The following LDB3 variants were observed in gnomAD, a reference collection of about 807,000 sequenced individuals.
LDB3 encodes the protein LIM domain binding 3, also known as LIM domain-binding protein 3.
LDB3 carries 49 observed loss-of-function variants against 69.0 expected under a neutral mutation model. The observed-to-expected ratio is 0.71, with a 90% CI of 0.56 to 0.90. The LOEUF is 0.90. LDB3 is among the 40% of genes least tolerant of loss of function. The pLI is 0.00. For missense variants in LDB3, 928 were observed against 974.1 expected (o/e 0.95, Z 0.63); for synonymous variants, 387 against 396.2 (o/e 0.98, Z 0.28).
intron 2 of LDB3, among the ~76,000 whole-genome samples, chr10:86,672,208 A>G (rs998980953): frequency 6.6e-6 from 1 of 152,194 alleles, no homozygotes; most frequent in African/African-American, 2.4e-5. Context: ...CCTGTTGTCT[A>G]CTGGGACTGG....
At chr10:86,675,336 T>C (rs1410026166) in intron 2 of LDB3, among the ~76,000 whole-genome samples, 1 of 152,258 alleles carries the variant, frequency 6.6e-6, no homozygotes, top group Non-Finnish European at 1.5e-5. Context: ...GACAGTCAGA[T>C]AGCCCTGCAG....
At chr10:86,674,375 C>T (rs1301953970) in intron 2 of LDB3, among the ~76,000 whole-genome samples, 1 of 152,216 alleles carries the variant, frequency 6.6e-6, no homozygotes, top group Non-Finnish European at 1.5e-5. Flanking sequence ...TGCCTCCCCG[C>T]CCCCAGCCCC....
chr10:86,712,387 G>T (rs892091377), intron 9 of LDB3, among the ~76,000 whole-genome samples: 1 of 152,228 alleles, frequency 6.6e-6, no homozygotes, highest in Non-Finnish European at 1.5e-5. Context: ...AGGCAGGAAA[G>T]GTGGGCCAGG....
At chr10:86,697,187 T>C (rs996863247) in intron 7 of LDB3, among the ~76,000 whole-genome samples, 1 of 151,638 alleles carries the variant, frequency 6.6e-6, no homozygotes, top group Non-Finnish European at 1.5e-5. Flanking sequence ...AAAGTTGCTC[T>C]TCCTGATTTT....
In LDB3 at chr10:86,720,822, G is replaced by A. The variant is rs138696656; in HGVS notation, c.1978+1975G>A. On this transcript the variant is annotated intron_variant, in intron 12 of 13. Transcript: ENST00000361373. ...AAGATTCTCAAAAATGATGTTTTGAGTAAGAAGATCCAGGAAGAAGACGGT... is the reference window on the plus strand; with the variant it reads ...AAGATTCTCAAAAATGATGTTTTGAATAAGAAGATCCAGGAAGAAGACGGT... Among the ~76,000 whole-genome samples the A allele has an allele frequency of 1.5e-3, 231 of 152,272 alleles. 1 individual carries two copies. The highest frequency in any genetic ancestry group is 3.4e-3 in the Admixed American group (52 of 15,292).
At chr10:86,679,123 C>T (rs890067195) in intron 2 of LDB3, among the ~76,000 whole-genome samples, 2 of 152,188 alleles carry the variant, frequency 1.3e-5, no homozygotes, top group African/African-American at 4.8e-5. Flanking sequence ...ACATTGCTTC[C>T]ACCCTCATTC....
Position 86,713,068 on chromosome 10 carries a change from AT to A in LDB3, c.1231+3019del, listed in dbSNP as rs1201554770. 2.2e-3 allele frequency among the ~76,000 whole-genome samples: 193 copies of A among 88,702 alleles called. No homozygotes were observed. The Middle Eastern group carries it at 0.025, about 11-fold the overall frequency. The allele number at this position is 88,702 out of a possible 152,430, so 58.2% of individuals were successfully genotyped here. ...CAGAGCAAGGCTCCGTCTCAAAAATATATATATATATATATAATTTCAACAT... is the reference window on the plus strand; with the variant it reads ...CAGAGCAAGGCTCCGTCTCAAAAATAATATATATATATATAATTTCAACAT... On this transcript the variant is annotated intron_variant, in intron 9 of 13. Transcript: ENST00000361373.
Position 86,691,883 on chromosome 10 carries a change from C to G in LDB3, c.690-13C>G, listed in dbSNP as rs978286642. On this transcript the variant is annotated splice_polypyrimidine_tract_variant and intron_variant, in intron 5 of 13. Coordinates refer to ENST00000361373, the MANE Select transcript of LDB3 (RefSeq NM_007078.3). ...AGCCTAGCCCTCGCCCACGGCCTCT[C>G]TCTGCATTACAGGAGCCTCCCTATT... 1 of 1,614,072 alleles carries G rather than the reference C, an allele frequency of 6.2e-7. No individual in the cohort carries two copies. The highest frequency in any genetic ancestry group is 1.7e-5 in the Admixed American group (1 of 60,032).
chr10:86,715,277 TG>T (rs1337768719), intron 9 of LDB3, among the ~76,000 whole-genome samples: 1 of 151,940 alleles, frequency 6.6e-6, no homozygotes, highest in African/African-American at 2.4e-5. Flanking sequence ...TTCCTAGGGT[TG>T]GGGGAATGAG....
intron 7 of LDB3, among the ~76,000 whole-genome samples, chr10:86,695,145 TGC>T (rs1845943505): frequency 7.3e-4 from 1 of 1,362 alleles, no homozygotes; most frequent in Non-Finnish European, 0.021. Flanking sequence ...TCCTTCCTGG[TGC>T]TGTGTGGTGC....
At chr10:86,724,417 A>T (rs1261615586) in intron 12 of LDB3, among the ~76,000 whole-genome samples, 1 of 152,010 alleles carries the variant, frequency 6.6e-6, no homozygotes, top group Non-Finnish European at 1.5e-5. Context: ...ATCCTGGCCA[A>T]CATGGTGAAG....
intron 5 of LDB3, chr10:86,687,059 C>A: frequency 6.2e-7 from 1 of 1,613,714 alleles, no homozygotes; most frequent in Non-Finnish European, 8.5e-7. Context: ...CTCCCGCACC[C>A]CTCCCCCAGC....
At chr10:86,711,404 C>T (rs1161832138) in intron 9 of LDB3, among the ~76,000 whole-genome samples, 2 of 152,044 alleles carry the variant, frequency 1.3e-5, no homozygotes, top group African/African-American at 4.8e-5. Flanking sequence ...CAGACATTAA[C>T]TCATTCCTGC....
At position 86,683,853 on chromosome 10, in the gene LDB3, C is replaced by T. The variant is rs374416605; in HGVS notation, c.689+2050C>T. On this transcript the variant is annotated intron_variant, in intron 5 of 13. Transcript: ENST00000361373. The stretch of plus-strand genomic sequence containing the variant: ...CATGGCACACTTCTCCCATGCTGAG[C>T]ACCTTAGACTCATGACCCGTTCAGT... 3.9e-4 allele frequency among the ~76,000 whole-genome samples: 59 copies of T among 152,368 alleles called. 1 individual carries two copies. The highest frequency in any genetic ancestry group is 1.3e-3 in the African/African-American group (55 of 41,592).
chr10:86,731,707 G>A (rs1025132689), intron 13 of LDB3, among the ~76,000 whole-genome samples: 2 of 152,090 alleles, frequency 1.3e-5, no homozygotes, highest in African/African-American at 4.8e-5. Context: ...TGGGTTACAG[G>A]GTAGTCACAT....
At chr10:86,719,417 C>A (rs1846996749) in intron 12 of LDB3, among the ~76,000 whole-genome samples, 1 of 151,664 alleles carries the variant, frequency 6.6e-6, no homozygotes, top group South Asian at 2.1e-4. Flanking sequence ...ATGTAGATCA[C>A]AAGTTGGCAT....
chr10:86,712,124 G>A (rs1031065139), intron 9 of LDB3, among the ~76,000 whole-genome samples: 6 of 152,044 alleles, frequency 3.9e-5, no homozygotes, highest in Non-Finnish European at 8.8e-5. Context: ...GCCCCCCGAC[G>A]GAGTCGGGGT....
At chr10:86,687,573 T>C (rs1164038626) in intron 5 of LDB3, among the ~76,000 whole-genome samples, 3 of 152,258 alleles carry the variant, frequency 2.0e-5, no homozygotes, top group Non-Finnish European at 4.4e-5. Flanking sequence ...AAGAGACTTC[T>C]ACAGTCCTCT....
In LDB3 at chr10:86,716,789, C is replaced by A; in HGVS notation, c.1676+18C>A. The A allele has an allele frequency of 1.3e-6, 2 of 1,591,424 alleles. No individual in the cohort carries two copies. The highest frequency in any genetic ancestry group is 1.7e-6 in the Non-Finnish European group (2 of 1,169,498). On this transcript the variant is annotated intron_variant, in intron 10 of 13. Coordinates refer to ENST00000361373, the MANE Select transcript of LDB3 (RefSeq NM_007078.3). Reference sequence around the variant, plus strand: ...GTCATCCGGTATGGTCCAGCTGTGCCCCTGCACTGGGGCACTGGAAGGGCG... The same window carrying A: ...GTCATCCGGTATGGTCCAGCTGTGCACCTGCACTGGGGCACTGGAAGGGCG...
Sources: allele counts gnomAD v4.1 joint callset (sites outside exome capture counted in the v4.1 genomes callset), GRCh38; gene constraint gnomAD v4.1.1; transcripts MANE v1.5; gene names NCBI Gene and HGNC (gene_info 2026-07-23, HGNC 2026-07-21).